RELN: variants seen among roughly 807,000 people sequenced by gnomAD.
RELN encodes reelin.
In RELN, 108 loss-of-function variants were observed where a neutral mutation model predicts 427.6. That is an observed-to-expected ratio of 0.25 (90% CI 0.22 to 0.30). RELN has a LOEUF of 0.30. Among genes scored for constraint, RELN ranks in the 10% least tolerant of loss-of-function variants. RELN has a pLI of 1.00. For synonymous variants in RELN, 1,524 were observed against 1,513.4 expected (o/e 1.01, Z -0.16); for missense variants, 3,715 against 4,302.8 (o/e 0.86, Z 3.82).
chr7:103,535,546 G>T, intron 45 of RELN, 62 bp from the exon 46 acceptor site: 2 of 1,457,278 alleles, frequency 1.4e-6, no homozygotes, highest in East Asian at 2.3e-5. Flanking sequence ...AACCATAATT[G>T]TTTATCACAT....
rs146031875 is a variant in RELN, at chr7:103,651,883, A to T, written c.1764-94T>A. On this transcript the variant is annotated intron_variant, in intron 14 of 64. Coordinates refer to ENST00000428762, the MANE Select transcript of RELN (RefSeq NM_005045.4). ...CAACTCTGGTTAAGTACATTAAACA[A>T]CTGTAAAAACAGTGTAAAATTTTTT... is the stretch of plus-strand genomic sequence containing the variant. 1.2e-3 allele frequency: 1,522 copies of T among 1,310,028 alleles called. 18 individuals carry two copies. In the African/African-American group the frequency reaches 0.019, roughly 17 times the overall value. 81.2% of individuals were successfully genotyped at this position (1,310,028 alleles called of 1,614,324 possible).
chr7:103,608,965 A>C (rs1029528636), intron 22 of RELN, among the ~76,000 whole-genome samples: 1 of 152,110 alleles, frequency 6.6e-6, no homozygotes, highest in African/African-American at 2.4e-5. Context: ...GGTCATGCCT[A>C]TAATTTCAGC....
chr7:103,851,075 C>T (rs1793810037), intron 2 of RELN, among the ~76,000 whole-genome samples: 1 of 152,162 alleles, frequency 6.6e-6, no homozygotes, highest in African/African-American at 2.4e-5. Flanking sequence ...ATCGTGGAAC[C>T]AACCCAAATG....
intron 2 of RELN, among the ~76,000 whole-genome samples, chr7:103,909,803 AATATATAATAT>A (rs1348197220): frequency 0.061 from 3,902 of 64,028 alleles, 538 homozygotes; most frequent in East Asian, 0.24. Context: ...AATATATATT[AATATATAATAT>A]TATATATAAA....
chr7:103,561,827 A>G lies in RELN; in HGVS notation c.5337T>C (p.Asp1779=). ...PWMCSGRGIC[D]AGRCVCDRGF... is the part of the protein sequence containing the mutation. ...TATTAACTTACACACAGCGTCCAGC[A>G]TCACAAATCCCTCGTCCTGAGCACA... The change falls in exon 35 of 65, where the codon GAT becomes GAC. Residue 1779 remains aspartate (D), a synonymous_variant. Coordinates refer to ENST00000428762, the MANE Select transcript of RELN (RefSeq NM_005045.4). The G allele has an allele frequency of 6.2e-7, 1 of 1,614,042 alleles. No homozygotes were observed. The highest frequency in any genetic ancestry group is 1.3e-5 in the African/African-American group (1 of 75,036).
chr7:103,524,336 A>AG (rs1208921047), intron 46 of RELN, among the ~76,000 whole-genome samples: 9 of 148,092 alleles, frequency 6.1e-5, no homozygotes, highest in Non-Finnish European at 1.3e-4. Context: ...AATTGTACAG[A>AG]GAAAAAAAAG....
At chr7:103,891,982 G>C (rs1444665079) in intron 2 of RELN, among the ~76,000 whole-genome samples, 2 of 152,150 alleles carry the variant, frequency 1.3e-5, no homozygotes, top group African/African-American at 4.8e-5. Context: ...GAATGTGTCA[G>C]AGGCACAGAA....
chr7:103,725,194 T>G (rs1395491245), intron 7 of RELN, among the ~76,000 whole-genome samples: 2 of 152,114 alleles, frequency 1.3e-5, no homozygotes, highest in Non-Finnish European at 2.9e-5. Flanking sequence ...TTTTATTGAG[T>G]TTGATATTGT....
At chr7:103,688,768 T>C (rs1833813370) in intron 10 of RELN, among the ~76,000 whole-genome samples, 1 of 152,130 alleles carries the variant, frequency 6.6e-6, no homozygotes, top group Admixed American at 6.6e-5. Context: ...ACTGGGACAA[T>C]GAATTTGGCA....
Position 103,575,639 on chromosome 7 carries a change from A to C in RELN, c.4212T>G (p.Asp1404Glu). The stretch of plus-strand genomic sequence containing the variant: ...GACAAGGCTCGGATATGTACACTCC[A>C]TCTAAACCAAATGGAGGCACGTTTT... ...SQKNVPPFGL[D>E]GVYISEPCPS... is the part of the protein sequence containing the mutation. The change falls in exon 29 of 65, where the codon GAT becomes GAG. Residue 1404 changes from aspartate to glutamate, a missense_variant. Around this residue, in one of 4 missense-constraint regions of RELN, gnomAD observed 2,208 missense variants for 2,361.7 expected, o/e 0.93. Coordinates refer to ENST00000428762, the MANE Select transcript of RELN (RefSeq NM_005045.4). 1 of 1,614,130 alleles carries C rather than the reference A, an allele frequency of 6.2e-7. No homozygotes were observed. The highest frequency in any genetic ancestry group is 8.5e-7 in the Non-Finnish European group (1 of 1,179,998).
chr7:103,647,443 A>G (rs1013444333), intron 16 of RELN, among the ~76,000 whole-genome samples: 1 of 151,836 alleles, frequency 6.6e-6, no homozygotes, highest in Non-Finnish European at 1.5e-5. Context: ...CAAGACGTCA[A>G]TCCCATTTAC....
At position 103,986,629 on chromosome 7, in the gene RELN, TAAA is replaced by T. The variant is rs34403864; in HGVS notation, c.226+2499_226+2501del. Reference sequence around the variant, plus strand: ...CTCTATCTCAATGCATTCTTTTAGGTAAAAAAAAAAAAAAAAAAAAAAAGTCAC... The same window carrying T: ...CTCTATCTCAATGCATTCTTTTAGGTAAAAAAAAAAAAAAAAAAAAGTCAC... On this transcript the variant is annotated intron_variant, in intron 1 of 64. Transcript: ENST00000428762. Among the ~76,000 whole-genome samples the T allele has an allele frequency of 4.0e-3, 414 of 102,284 alleles. 9 individuals are homozygous for T. Among genetic ancestry groups the T allele is most frequent in the Admixed American group, 0.03 (282 of 9,264 alleles). 67.1% of individuals were successfully genotyped at this position (102,284 alleles called of 152,430 possible).
intron 16 of RELN, among the ~76,000 whole-genome samples, chr7:103,643,152 A>T (rs897083938): frequency 6.6e-6 from 1 of 152,096 alleles, no homozygotes; most frequent in Admixed American, 6.6e-5. Context: ...AACAGACCTG[A>T]TTAAGACATG....
intron 6 of RELN, among the ~76,000 whole-genome samples, chr7:103,742,334 C>G (rs573947576): frequency 6.6e-6 from 1 of 152,256 alleles, no homozygotes; most frequent in East Asian, 1.9e-4. Context: ...AGCAGAAAAA[C>G]CGGAAACTCT....
intron 2 of RELN, among the ~76,000 whole-genome samples, chr7:103,885,299 A>G (rs986117277): frequency 6.6e-6 from 1 of 151,740 alleles, no homozygotes; most frequent in Non-Finnish European, 1.5e-5. Flanking sequence ...AGACAGCACC[A>G]CTGCACTCCA....
Position 103,561,959 on chromosome 7 carries a change from C to CAAAAAAA in RELN, c.5211-13_5211-7dup. 39 of 1,314,102 alleles carry CAAAAAAA rather than the reference C, an allele frequency of 3.0e-5. 10 individuals are homozygous for CAAAAAAA. The Admixed American group carries it at 4.7e-4, about 16-fold the overall frequency. 81.4% of individuals were successfully genotyped at this position (1,314,102 alleles called of 1,614,324 possible). A position where few individuals can be genotyped will look rare whatever the true frequency, so the allele number is the denominator to read the frequency against. ...TGAACCGGGTCCTGGGAGAACTAACCAAAAAAAAAAAAAAAAAAACACACC... is the reference window on the plus strand; with the variant it reads ...TGAACCGGGTCCTGGGAGAACTAACCAAAAAAAAAAAAAAAAAAAAAAAAAACACACC... On this transcript the variant is annotated splice_region_variant and splice_polypyrimidine_tract_variant and intron_variant, in intron 34 of 64. Transcript: ENST00000428762.
Position 103,832,996 on chromosome 7 carries a change from C to T in RELN, c.473+541G>A, listed in dbSNP as rs113186828. On this transcript the variant is annotated intron_variant, in intron 3 of 64. Transcript: ENST00000428762. ...ATTTTTGTCTTTTAAAAATTGATAA[C>T]ACTTATTGCATATATTTATGGAGCA... Among the ~76,000 whole-genome samples, 1,506 of 152,214 alleles carry T rather than the reference C, an allele frequency of 9.9e-3. 38 individuals are homozygous for T. The highest frequency in any genetic ancestry group is 0.034 in the African/African-American group (1,392 of 41,540).
intron 20 of RELN, among the ~76,000 whole-genome samples, chr7:103,621,741 T>A (rs933050948): frequency 6.6e-6 from 1 of 152,070 alleles, no homozygotes; most frequent in African/African-American, 2.4e-5. Context: ...CTAGGCTGGG[T>A]GCAGTGGCTC....
intron 3 of RELN, among the ~76,000 whole-genome samples, chr7:103,825,066 C>T (rs978849394): frequency 1.3e-5 from 2 of 152,006 alleles, no homozygotes; most frequent in Non-Finnish European, 2.9e-5. Flanking sequence ...TTTATTATTA[C>T]TATTATGACC....
Sources: allele counts gnomAD v4.1 joint callset (sites outside exome capture counted in the v4.1 genomes callset), GRCh38; gene constraint gnomAD v4.1.1; regional missense constraint gnomAD v4.1.1; transcripts MANE v1.5; gene names NCBI Gene and HGNC (gene_info 2026-07-23, HGNC 2026-07-21).